SHANK2: variants seen among roughly 807,000 people sequenced by gnomAD.
SHANK2 encodes SH3 and multiple ankyrin repeat domains 2.
In SHANK2, 43 loss-of-function variants were observed where a neutral mutation model predicts 133.7. The observed-to-expected ratio is 0.32, with a 90% CI of 0.25 to 0.41. The LOEUF is 0.41. Among genes scored for constraint, SHANK2 ranks in the 10% least tolerant of loss-of-function variants. The pLI, the probability that SHANK2 is intolerant of heterozygous loss-of-function variation, is 1.00. For missense variants in SHANK2, 1,994 were observed against 2,235.8 expected (o/e 0.89, Z 2.18); for synonymous variants, 1,017 against 952.8 (o/e 1.07, Z -1.24).
chr11:70,707,396 A>AAAAG (rs1945686942), intron 14 of SHANK2, among the ~76,000 whole-genome samples: 1 of 106,960 alleles, frequency 9.3e-6, no homozygotes, highest in Admixed American at 1.1e-4. Context: ...AAAAAAAAAA[A>AAAAG]AGAGAGAGAG....
intron 2 of SHANK2, among the ~76,000 whole-genome samples, chr11:71,209,399 G>A (rs1555118514): frequency 6.6e-6 from 1 of 152,232 alleles, no homozygotes; most frequent in Non-Finnish European, 1.5e-5. Context: ...TGACCCAGGA[G>A]GGAGCTTCGG....
intron 10 of SHANK2, among the ~76,000 whole-genome samples, chr11:70,922,582 ATAAC>A (rs1337532702): frequency 2.0e-5 from 3 of 152,216 alleles, no homozygotes; most frequent in Non-Finnish European, 4.4e-5. Context: ...AAAAAAGAAA[ATAAC>A]TACTGATCTA....
chr11:71,133,362 CTGGCTGGGTAGG>C (rs1236294709), intron 3 of SHANK2, among the ~76,000 whole-genome samples: 4 of 76,266 alleles, frequency 5.2e-5, no homozygotes, highest in Non-Finnish European at 1.1e-4. Flanking sequence ...GGCTGGCTGG[CTGGCTGGGTAGG>C]TGGGTGGCTG....
intron 9 of SHANK2, among the ~76,000 whole-genome samples, chr11:71,060,476 C>T (rs1950974709): frequency 6.6e-6 from 1 of 152,266 alleles, no homozygotes; most frequent in African/African-American, 2.4e-5. Flanking sequence ...GGACGCCAAG[C>T]CCTATGCTAT....
chr11:70,790,395 G>A (rs540522323), intron 14 of SHANK2, among the ~76,000 whole-genome samples: 1 of 152,348 alleles, frequency 6.6e-6, no homozygotes, highest in African/African-American at 2.4e-5. Flanking sequence ...ATGCAGCCAA[G>A]CACTAGCCTA....
At chr11:71,072,822 T>C (rs1325628397) in intron 9 of SHANK2, among the ~76,000 whole-genome samples, 2 of 152,168 alleles carry the variant, frequency 1.3e-5, no homozygotes, top group African/African-American at 4.8e-5. Flanking sequence ...TTTATGTTTC[T>C]ACTCATATCA....
intron 17 of SHANK2, among the ~76,000 whole-genome samples, chr11:70,553,611 G>A (rs2059795973): frequency 2.0e-5 from 3 of 152,178 alleles, no homozygotes; most frequent in Non-Finnish European, 2.9e-5. Context: ...GCAGTGGGAC[G>A]CACGTCAATT....
At chr11:70,520,331 G>C (rs1218833616) in intron 17 of SHANK2, among the ~76,000 whole-genome samples, 1 of 152,170 alleles carries the variant, frequency 6.6e-6, no homozygotes, top group African/African-American at 2.4e-5. Flanking sequence ...GCTGCTCTAG[G>C]CTCTGCCTGC....
At chr11:71,077,980 T>C (rs1198315122) in intron 8 of SHANK2, among the ~76,000 whole-genome samples, 1 of 152,108 alleles carries the variant, frequency 6.6e-6, no homozygotes, top group Non-Finnish European at 1.5e-5. Context: ...TCCCTAACTC[T>C]GCCTACTGAG....
chr11:70,508,850 C>T (rs1468101795), intron 17 of SHANK2, among the ~76,000 whole-genome samples: 2 of 152,218 alleles, frequency 1.3e-5, no homozygotes, highest in Non-Finnish European at 2.9e-5. Context: ...GATTGTGCTA[C>T]TGCACTCCAG....
intron 17 of SHANK2, chr11:70,634,826 A>G (rs1555003374): frequency 6.6e-6 from 1 of 152,242 alleles, no homozygotes; most frequent in East Asian, 1.9e-4. Context: ...ACGCCACTGC[A>G]CTCTAGCCTG....
chr11:70,672,733 T>C (rs1944836726), intron 15 of SHANK2, among the ~76,000 whole-genome samples: 1 of 152,240 alleles, frequency 6.6e-6, no homozygotes. Flanking sequence ...GTTCACTCAT[T>C]TGCTGTCTGA....
At chr11:71,185,666 G>A (rs375074877) in intron 2 of SHANK2, among the ~76,000 whole-genome samples, 1 of 152,144 alleles carries the variant, frequency 6.6e-6, no homozygotes, top group East Asian at 1.9e-4. Flanking sequence ...ATGGTCCTGG[G>A]TTGCAAGGAC....
At chr11:70,746,532 C>A (rs540829127) in intron 14 of SHANK2, among the ~76,000 whole-genome samples, 30 of 151,060 alleles carry the variant, frequency 2.0e-4, no homozygotes, top group African/African-American at 7.1e-4. Context: ...GCACGCATCT[C>A]CTCTCCCACC....
At chr11:70,546,102 T>TA (rs1554976350) in intron 17 of SHANK2, among the ~76,000 whole-genome samples, 1 of 53,626 alleles carries the variant, frequency 1.9e-5, no homozygotes, top group African/African-American at 4.8e-5. Flanking sequence ...ATTTAATTTT[T>TA]TTTTTTTTTT....
At chr11:71,239,500 C>T (rs1239972710) in intron 1 of SHANK2, among the ~76,000 whole-genome samples, 2 of 152,100 alleles carry the variant, frequency 1.3e-5, no homozygotes, top group Non-Finnish European at 2.9e-5. Context: ...CACTATGCTG[C>T]CCAGGCTGGA....
intron 11 of SHANK2, among the ~76,000 whole-genome samples, chr11:70,883,953 C>T (rs1222069996): frequency 5.3e-5 from 8 of 152,188 alleles, no homozygotes; most frequent in African/African-American, 1.7e-4. Context: ...GCTGAGGAAC[C>T]AGAGGCCAAC....
At chr11:70,539,754 AG>A (rs2064516481) in intron 17 of SHANK2, among the ~76,000 whole-genome samples, 1 of 151,780 alleles carries the variant, frequency 6.6e-6, no homozygotes, top group Non-Finnish European at 1.5e-5. Context: ...TGGGGTTTCC[AG>A]GGAGTGCGCT....
chr11:70,604,019 TG>T (rs1554991663), intron 17 of SHANK2: 2 of 152,344 alleles, frequency 1.3e-5, no homozygotes, highest in African/African-American at 4.8e-5. Context: ...GTTAGCTGCC[TG>T]CCGCCCCAAG....
Sources: allele counts gnomAD v4.1 joint callset (sites outside exome capture counted in the v4.1 genomes callset), GRCh38; gene constraint gnomAD v4.1.1; transcripts MANE v1.5; gene names NCBI Gene and HGNC (gene_info 2026-07-23, HGNC 2026-07-21).